PDE3B: variants seen among roughly 807,000 people sequenced by gnomAD.
PDE3B encodes the protein phosphodiesterase 3B.
Under a neutral mutation model 116.8 loss-of-function variants are expected in PDE3B, and 66 were observed. That is an observed-to-expected ratio of 0.56 (90% CI 0.46 to 0.69). The LOEUF (loss-of-function observed/expected upper bound fraction) is 0.69, where lower values mean the gene tolerates loss of function less well. Among genes scored for constraint, PDE3B ranks in the 30% least tolerant of loss-of-function variants. The pLI is 0.00. For missense variants in PDE3B, 1,384 were observed against 1,368.1 expected (o/e 1.01, Z -0.18); for synonymous variants, 595 against 533.6 (o/e 1.12, Z -1.59).
chr11:14,843,997 G>C lies in PDE3B; in HGVS notation c.2491G>C (p.Ala831Pro), dbSNP rs753988668. The change falls in exon 12 of 16, where the codon GCA becomes CCA. Residue 831 changes from alanine to proline, a missense_variant. Coordinates refer to ENST00000282096, the MANE Select transcript of PDE3B (RefSeq NM_000922.4). Reference protein sequence around the residue: ...HDYDHPGRTNAFLVATNAPQA... With the variant: ...HDYDHPGRTNPFLVATNAPQA... Reference sequence around the variant, plus strand: ...TTATGATCACCCAGGGAGGACAAATGCATTTCTAGTGGCTACAAATGCCCC... The same window carrying C: ...TTATGATCACCCAGGGAGGACAAATCCATTTCTAGTGGCTACAAATGCCCC... 1.9e-6 allele frequency: 3 copies of C among 1,613,994 alleles called. No homozygotes were observed. The highest frequency in any genetic ancestry group is 2.5e-6 in the Non-Finnish European group (3 of 1,179,928).
the PDE3B span, among the ~76,000 whole-genome samples, chr11:14,892,745 T>A: frequency 2.0e-5 from 3 of 152,206 alleles, no homozygotes; most frequent in African/African-American, 7.2e-5. Flanking sequence ...ACTATTTTTC[T>A]CCTGTTAATG....
intron 7 of PDE3B, among the ~76,000 whole-genome samples, chr11:14,830,191 T>C (rs1008729746): frequency 5.3e-5 from 8 of 152,286 alleles, no homozygotes; most frequent in Non-Finnish European, 7.4e-5. Flanking sequence ...AACACGTGAA[T>C]GAATGCTATT....
At chr11:14,718,490 A>G (rs980824304) in intron 1 of PDE3B, among the ~76,000 whole-genome samples, 8 of 148,646 alleles carry the variant, frequency 5.4e-5, no homozygotes, top group Non-Finnish European at 9.0e-5. Flanking sequence ...ACCACACCAC[A>G]CCTATTCCAA....
downstream of PDE3B, among the ~76,000 whole-genome samples, chr11:14,876,623 T>C (rs1268227159): frequency 6.6e-6 from 1 of 152,152 alleles, no homozygotes; most frequent in African/African-American, 2.4e-5. Context: ...ACTCAGAACC[T>C]ACAGGACACA....
At chr11:14,773,823 A>C (rs1433192707) in intron 2 of PDE3B, 2 of 152,144 alleles carry the variant, frequency 1.3e-5, no homozygotes, top group African/African-American at 2.4e-5. Flanking sequence ...TACTTGGTTT[A>C]TCTCTCTCTT....
chr11:14,730,027 A>T (rs1856413242), intron 1 of PDE3B, among the ~76,000 whole-genome samples: 1 of 152,202 alleles, frequency 6.6e-6, no homozygotes, highest in South Asian at 2.1e-4. Flanking sequence ...ATAGGACCAC[A>T]ACCAAAATCA....
intron 1 of PDE3B, among the ~76,000 whole-genome samples, chr11:14,700,422 T>C (rs543311372): frequency 4.0e-5 from 6 of 150,740 alleles, no homozygotes; most frequent in African/African-American, 1.5e-4. Flanking sequence ...CAAAAATAAG[T>C]ATTTAGAAAG....
chr11:14,702,860 A>G (rs577838976), intron 1 of PDE3B, among the ~76,000 whole-genome samples: 1 of 151,980 alleles, frequency 6.6e-6, no homozygotes, highest in South Asian at 2.1e-4. Flanking sequence ...CTATTTATCT[A>G]CCATCATCTG....
chr11:14,794,432 A>G (rs916157219), intron 4 of PDE3B, among the ~76,000 whole-genome samples: 1 of 150,348 alleles, frequency 6.7e-6, no homozygotes, highest in Non-Finnish European at 1.5e-5. Flanking sequence ...TTCTTCCTCA[A>G]CCTCCTGAGT....
intron 1 of PDE3B, among the ~76,000 whole-genome samples, chr11:14,703,521 T>C (rs1855435173): frequency 6.6e-6 from 1 of 151,642 alleles, no homozygotes; most frequent in Non-Finnish European, 1.5e-5. Context: ...TTTCTTCTCC[T>C]TTGCTGTGTT....
At chr11:14,864,460 C>T (rs1199637452) in intron 14 of PDE3B, among the ~76,000 whole-genome samples, 3 of 152,180 alleles carry the variant, frequency 2.0e-5, no homozygotes, top group African/African-American at 7.2e-5. Context: ...ACCTAATAGA[C>T]ATCTACAGAA....
At position 14,832,756 on chromosome 11, in the gene PDE3B, T is replaced by C; in HGVS notation, c.2129T>C (p.Leu710Ser). The change falls in exon 10 of 16, where the codon TTG becomes TCG. Residue 710 changes from leucine (L) to serine (S), a missense_variant. Coordinates refer to ENST00000282096, the MANE Select transcript of PDE3B (RefSeq NM_000922.4). ...ACCTTATTTCAAGACACTGGTTTAT[T>C]GGAAATATTTAAAATTCCCACTCAA... is the stretch of plus-strand genomic sequence containing the variant. ...MYTLFQDTGL[L>S]EIFKIPTQQF... 6.7e-7 allele frequency: 1 copy of C among 1,499,378 alleles called. No individual in the cohort carries two copies. The allele number at this position is 1,499,378 out of a possible 1,614,324, so 92.9% of individuals were successfully genotyped here. A position where few individuals can be genotyped will look rare whatever the true frequency, so the allele number is the denominator to read the frequency against.
intron 1 of PDE3B, among the ~76,000 whole-genome samples, chr11:14,732,431 T>C (rs892044708): frequency 4.6e-5 from 7 of 152,296 alleles, no homozygotes; most frequent in Admixed American, 4.6e-4. Flanking sequence ...GAACCGTGGC[T>C]TTAGACTAGT....
intron 1 of PDE3B, among the ~76,000 whole-genome samples, chr11:14,735,893 G>A (rs1453502430): frequency 6.6e-6 from 1 of 151,976 alleles, no homozygotes; most frequent in Non-Finnish European, 1.5e-5. Flanking sequence ...ATGACAGTGA[G>A]GAAGAGAACA....
At chr11:14,796,335 G>A (rs1023932163) in intron 4 of PDE3B, among the ~76,000 whole-genome samples, 1 of 152,148 alleles carries the variant, frequency 6.6e-6, no homozygotes, top group Non-Finnish European at 1.5e-5. Flanking sequence ...AAATATACAT[G>A]TGCATGTGTT....
chr11:14,805,418 TA>T (rs1389467942), intron 5 of PDE3B, among the ~76,000 whole-genome samples: 4 of 152,164 alleles, frequency 2.6e-5, no homozygotes, highest in African/African-American at 9.7e-5. Context: ...TAAATAGGAA[TA>T]AAAATTTTTT....
chr11:14,875,435 T>A (rs189360645), downstream of PDE3B, among the ~76,000 whole-genome samples: 1 of 152,302 alleles, frequency 6.6e-6, no homozygotes, highest in Admixed American at 6.5e-5. Context: ...AAAAAACAAG[T>A]GTGCTCACTT....
chr11:14,688,340 A>G (rs1274312695), intron 1 of PDE3B, among the ~76,000 whole-genome samples: 1 of 152,208 alleles, frequency 6.6e-6, no homozygotes, highest in Admixed American at 6.5e-5. Flanking sequence ...AGCTTAGAGA[A>G]AAATGGACAC....
chr11:14,799,828 G>T (rs1346260962), intron 4 of PDE3B, among the ~76,000 whole-genome samples: 2 of 143,136 alleles, frequency 1.4e-5, no homozygotes, highest in Non-Finnish European at 3.0e-5. Flanking sequence ...TGAGCCTGAT[G>T]TGTCTTTACA....
Sources: gnomAD v4.1 joint callset for allele counts (sites outside exome capture counted in the v4.1 genomes callset) on GRCh38, gnomAD v4.1.1 for gene constraint, MANE v1.5 for transcripts, NCBI Gene and HGNC (gene_info 2026-07-23, HGNC 2026-07-21) for gene names.